The following EWSR1 variants were observed in gnomAD, a reference collection of about 807,000 sequenced individuals.
The protein encoded by EWSR1 is RNA-binding protein EWS.
Under a neutral mutation model 92.1 loss-of-function variants are expected in EWSR1, and 14 were observed. That is an observed-to-expected ratio of 0.15 (90% CI 0.10 to 0.24). The LOEUF is 0.24. EWSR1 is among the 10% of genes least tolerant of loss of function. The probability of loss-of-function intolerance (pLI) is 1.00; values close to 1 mark genes in which losing one functional copy is unlikely to be tolerated. For synonymous variants in EWSR1, 303 were observed against 292.9 expected (o/e 1.03, Z -0.35); for missense variants, 637 against 870.9 (o/e 0.73, Z 3.38).
At chr22:29,287,593 C>T (rs2060143294) in intron 7 of EWSR1, among the ~76,000 whole-genome samples, 1 of 152,150 alleles carries the variant, frequency 6.6e-6, no homozygotes, top group South Asian at 2.1e-4. Flanking sequence ...CATGGCATTC[C>T]AGCTAACATC....
chr22:29,299,502 T>C (rs2061169010), intron 15 of EWSR1, 97 bp from the exon 16 acceptor site: 1 of 1,500,520 alleles, frequency 6.7e-7, no homozygotes, highest in East Asian at 2.3e-5. Flanking sequence ...TCTGGTTTGT[T>C]CTGCTGTGAG....
chr22:29,271,821 A>G (rs2058702685), intron 1 of EWSR1, among the ~76,000 whole-genome samples: 1 of 152,176 alleles, frequency 6.6e-6, no homozygotes, highest in Admixed American at 6.5e-5. Flanking sequence ...ACTTTGTATT[A>G]TTGTTGCATG....
chr22:29,290,247 G>GC (rs1342068382), intron 8 of EWSR1: 19 of 576,592 alleles, frequency 3.3e-5, no homozygotes, highest in Non-Finnish European at 4.8e-5. Flanking sequence ...TTCCCTCGTT[G>GC]CCCCCCTTTT....
intron 6 of EWSR1, among the ~76,000 whole-genome samples, chr22:29,283,725 G>C (rs1259448454): frequency 2.0e-5 from 3 of 150,862 alleles, no homozygotes; most frequent in Non-Finnish European, 4.4e-5. Flanking sequence ...GTAGAGACAG[G>C]GTTTCACCAT....
chr22:29,271,644 A>G (rs1237213451), intron 1 of EWSR1, among the ~76,000 whole-genome samples: 1 of 152,244 alleles, frequency 6.6e-6, no homozygotes, highest in Non-Finnish European at 1.5e-5. Context: ...GTTCTGACAC[A>G]GCAAACCCTT....
At chr22:29,275,388 A>G (rs1412690097) in intron 4 of EWSR1, among the ~76,000 whole-genome samples, 1 of 152,190 alleles carries the variant, frequency 6.6e-6, no homozygotes, top group Non-Finnish European at 1.5e-5. Flanking sequence ...AGAAATCCCC[A>G]TCATGACTGT....
At chr22:29,295,268 T>A (rs2060766342) in intron 11 of EWSR1, among the ~76,000 whole-genome samples, 1 of 152,112 alleles carries the variant, frequency 6.6e-6, no homozygotes, top group Non-Finnish European at 1.5e-5. Context: ...AATGTGGAGT[T>A]TATCCTGGTT....
intron 11 of EWSR1, 87 bp from the exon 12 acceptor site, chr22:29,296,152 T>C: frequency 1.5e-6 from 2 of 1,360,138 alleles, no homozygotes; most frequent in Non-Finnish European, 2.0e-6. Context: ...ATGTGAGAAA[T>C]TGGTACTTTT....
intron 11 of EWSR1, among the ~76,000 whole-genome samples, chr22:29,295,323 A>C (rs898610807): frequency 6.6e-6 from 1 of 152,194 alleles, no homozygotes; most frequent in African/African-American, 2.4e-5. Context: ...TAAAGATGTT[A>C]AAATAGATTT....
rs753624585 is a variant in EWSR1 at position 29,273,741 on chromosome 22, G to C, written c.103G>C (p.Ala35Pro). Residue 35 changes from alanine (A) to proline (P), a missense_variant and splice_region_variant, in exon 4 of 17, where the codon GCA becomes CCA. Around this residue, in one of 5 missense-constraint regions of EWSR1, gnomAD observed 144 missense variants for 189.0 expected, o/e 0.76. Coordinates refer to ENST00000397938, the MANE Select transcript of EWSR1 (RefSeq NM_005243.4). ...TTGCATTCGTTTTTTTTTGGAGCAG[G>C]CATATGGGCAACAAAGCTATGGAAC... is the stretch of plus-strand genomic sequence containing the variant. The part of the protein sequence containing the change: ...PTQGYAQTTQ[A>P]YGQQSYGTYG... 1 of 1,609,808 alleles carries C rather than the reference G, an allele frequency of 6.2e-7. No individual in the cohort carries two copies. The highest frequency in any genetic ancestry group is 8.5e-7 in the Non-Finnish European group (1 of 1,178,836).
chr22:29,291,642 T>A, intron 9 of EWSR1, 43 bp downstream of exon 9: 1 of 1,544,450 alleles, frequency 6.5e-7, no homozygotes, highest in Non-Finnish European at 8.8e-7. Context: ...TAAAAAAAAA[T>A]GCAGTCAGTT....
At position 29,299,742 on chromosome 22, in the gene EWSR1, G is replaced by A. The variant is rs745897992; in HGVS notation, c.1822G>A (p.Gly608Ser). Residue 608 changes from glycine (G) to serine (S), a missense_variant, in exon 16 of 17, where the codon GGT becomes AGT. Around this residue, in one of 5 missense-constraint regions of EWSR1, gnomAD observed 363 missense variants for 447.8 expected, o/e 0.81. Coordinates refer to ENST00000397938, the MANE Select transcript of EWSR1 (RefSeq NM_005243.4). ...GFRGGRGMDR[G>S]GFGGGRRGGP... ...CCGTGGTGGCCGGGGCATGGACCGAGGTGGCTTTGGTGGAGGAAGACGAGG... is the reference window on the plus strand; with the variant it reads ...CCGTGGTGGCCGGGGCATGGACCGAAGTGGCTTTGGTGGAGGAAGACGAGG... 1 of 1,610,602 alleles carries A rather than the reference G, an allele frequency of 6.2e-7. No homozygotes were observed. The highest frequency in any genetic ancestry group is 8.5e-7 in the Non-Finnish European group (1 of 1,177,940).
intron 4 of EWSR1, chr22:29,274,359 G>A: frequency 1.9e-6 from 3 of 1,540,166 alleles, no homozygotes; most frequent in Non-Finnish European, 2.7e-6. Flanking sequence ...TCCTTTAGGT[G>A]TTTTCATTTG....
At chr22:29,299,996 GGAAGGGC>G in intron 16 of EWSR1, 119 bp from the exon 17 acceptor site, 10 of 1,131,858 alleles carry the variant, frequency 8.8e-6, no homozygotes, top group South Asian at 1.9e-5. Context: ...TGGGGGCTCT[GGAAGGGC>G]TTCCTCACCC....
chr22:29,286,512 C>T (rs2060044336), intron 6 of EWSR1, among the ~76,000 whole-genome samples: 4 of 151,632 alleles, frequency 2.6e-5, no homozygotes. Flanking sequence ...CAAGATGAAA[C>T]CCTGTCTCTA....
At chr22:29,292,247 C>A (rs2060494848) in intron 10 of EWSR1, 78 bp downstream of exon 10, 6 of 1,383,104 alleles carry the variant, frequency 4.3e-6, no homozygotes, top group South Asian at 3.5e-5. Flanking sequence ...GCGTAGAGTT[C>A]AGCAGCCTTA....
intron 7 of EWSR1, 96 bp downstream of exon 7, chr22:29,287,230 T>TG (rs1171558457): frequency 2.4e-6 from 3 of 1,247,774 alleles, no homozygotes; most frequent in Non-Finnish European, 3.4e-6. Context: ...TCTTTTGAGA[T>TG]GGAGTTTCAC....
chr22:29,285,039 G>A (rs1051575620), intron 6 of EWSR1, among the ~76,000 whole-genome samples: 10 of 150,184 alleles, frequency 6.7e-5, no homozygotes, highest in Admixed American at 1.3e-4. Flanking sequence ...GGCTAGTCTC[G>A]AACCCCTGAC....
intron 8 of EWSR1, chr22:29,290,711 T>G (rs1441743118): frequency 5.4e-6 from 7 of 1,286,030 alleles, no homozygotes; most frequent in Middle Eastern, 3.0e-4. Context: ...TGGTGTGTAC[T>G]TTTAAAAAGG....
Sources: allele counts gnomAD v4.1 joint callset (sites outside exome capture counted in the v4.1 genomes callset), GRCh38; gene constraint gnomAD v4.1.1; regional missense constraint gnomAD v4.1.1; transcripts MANE v1.5; gene names NCBI Gene and HGNC (gene_info 2026-07-23, HGNC 2026-07-21).